Variants in NECAB1 observed in about 807,000 individuals in gnomAD.
The protein encoded by NECAB1 is N-terminal EF-hand calcium-binding protein 1.
NECAB1 carries 29 observed loss-of-function variants against 57.5 expected under a neutral mutation model. The observed-to-expected ratio is 0.50, with a 90% CI of 0.38 to 0.69. The LOEUF is 0.69. Ranked by LOEUF, NECAB1 falls within the 30% of genes least tolerant of loss-of-function variation. The pLI, the probability that NECAB1 is intolerant of heterozygous loss-of-function variation, is 0.00. For synonymous variants in NECAB1, 142 were observed against 147.7 expected, an observed-to-expected ratio of 0.96 and a Z score of 0.28; for missense variants, 372 against 413.8, an observed-to-expected ratio of 0.90 and a Z score of 0.88.
chr8:90,946,553 A>G (rs1037287873), intron 10 of NECAB1, among the ~76,000 whole-genome samples: 1 of 152,230 alleles, frequency 6.6e-6, no homozygotes, highest in African/African-American at 2.4e-5. Flanking sequence ...TACATTTATT[A>G]TTCTCAAAAA....
At chr8:90,872,377 ATTG>A (rs1808637387) in intron 4 of NECAB1, 1 of 437,898 alleles carries the variant, frequency 2.3e-6, no homozygotes, top group Non-Finnish European at 4.1e-6. Context: ...TAGAAGAAGA[ATTG>A]TTGTTACAAT....
intron 3 of NECAB1, among the ~76,000 whole-genome samples, chr8:90,826,851 T>C (rs1812233943): frequency 6.6e-6 from 1 of 151,902 alleles, no homozygotes; most frequent in Non-Finnish European, 1.5e-5. Flanking sequence ...GTTAAAGAAG[T>C]ATATGTAATG....
At chr8:90,884,869 C>G (rs966533376) in intron 5 of NECAB1, among the ~76,000 whole-genome samples, 4 of 152,122 alleles carry the variant, frequency 2.6e-5, no homozygotes, top group African/African-American at 9.7e-5. Context: ...AGCCCTGAGT[C>G]AGGCCCAAGC....
chr8:90,955,526 T>C lies in NECAB1; in HGVS notation c.*14T>C, dbSNP rs539172280. ...CTGAACAACTAGATGTTCCTAGACA[T>C]TTTCTTTATGGTTCCAAGTGCAAAA... On this transcript the variant is annotated 3_prime_UTR_variant, in exon 13 of 13. Transcript: ENST00000417640. 559 of 1,550,228 alleles carry C rather than the reference T, an allele frequency of 3.6e-4. 5 individuals are homozygous for C. In the South Asian group the frequency reaches 5.8e-3, roughly 16 times the overall value.
intron 3 of NECAB1, among the ~76,000 whole-genome samples, chr8:90,851,491 C>A (rs1261683050): frequency 1.3e-5 from 2 of 151,936 alleles, no homozygotes; most frequent in East Asian, 3.9e-4. Context: ...GTAGGACACT[C>A]AATTGATATC....
intron 10 of NECAB1, among the ~76,000 whole-genome samples, chr8:90,944,721 G>A (rs561014812): frequency 1.2e-4 from 18 of 152,030 alleles, no homozygotes; most frequent in Admixed American, 7.2e-4. Context: ...TTTCATAGTC[G>A]TTAAATAGAA....
chr8:90,928,073 A>G (rs550391574), intron 7 of NECAB1, 150 bp from the exon 8 acceptor site: 29 of 606,194 alleles, frequency 4.8e-5, no homozygotes, highest in East Asian at 3.5e-4. Flanking sequence ...TCAATACCTT[A>G]GAAAGCACTC....
intron 6 of NECAB1, among the ~76,000 whole-genome samples, chr8:90,923,725 A>G (rs1247665853): frequency 6.6e-6 from 1 of 152,262 alleles, no homozygotes; most frequent in Non-Finnish European, 1.5e-5. Flanking sequence ...TGAATTAAGG[A>G]TAGAATGCTT....
At chr8:90,897,330 C>T (rs949266929) in intron 5 of NECAB1, among the ~76,000 whole-genome samples, 4 of 152,134 alleles carry the variant, frequency 2.6e-5, no homozygotes, top group Non-Finnish European at 4.4e-5. Flanking sequence ...CATTTGGTAG[C>T]AAAATCTATT....
chr8:90,826,552 G>A (rs547742525), intron 3 of NECAB1, among the ~76,000 whole-genome samples: 4 of 152,002 alleles, frequency 2.6e-5, no homozygotes, highest in Admixed American at 2.0e-4. Flanking sequence ...GGTGTTGGAC[G>A]TTGAGATGCT....
intron 3 of NECAB1, among the ~76,000 whole-genome samples, chr8:90,851,826 G>T (rs1421281125): frequency 6.6e-6 from 1 of 152,014 alleles, no homozygotes; most frequent in African/African-American, 2.4e-5. Context: ...TCTTCATGTT[G>T]TACACTCTAT....
At chr8:90,923,145 G>A (rs1056493628) in intron 6 of NECAB1, among the ~76,000 whole-genome samples, 22 of 152,152 alleles carry the variant, frequency 1.4e-4, no homozygotes, top group African/African-American at 5.1e-4. Flanking sequence ...GAAAATGAGG[G>A]TGAAGGTAGG....
intron 3 of NECAB1, among the ~76,000 whole-genome samples, chr8:90,870,161 C>T (rs1808596963): frequency 6.6e-6 from 1 of 152,132 alleles, no homozygotes; most frequent in South Asian, 2.1e-4. Flanking sequence ...TGAGTCCTCC[C>T]CAGCCATGCT....
intron 4 of NECAB1, chr8:90,872,378 T>C: frequency 2.3e-6 from 1 of 437,420 alleles, no homozygotes; most frequent in Non-Finnish European, 4.1e-6. Context: ...AGAAGAAGAA[T>C]TGTTGTTACA....
intron 5 of NECAB1, among the ~76,000 whole-genome samples, chr8:90,886,767 GA>G (rs1208128264): frequency 6.6e-6 from 1 of 151,910 alleles, no homozygotes; most frequent in African/African-American, 2.4e-5. Context: ...TCAATTCTGG[GA>G]AAAACTTTTA....
chr8:90,799,006 T>A (rs1481032444), intron 1 of NECAB1, among the ~76,000 whole-genome samples: 1 of 152,176 alleles, frequency 6.6e-6, no homozygotes, highest in Non-Finnish European at 1.5e-5. Context: ...CTGACTGGTG[T>A]GAGATGATAG....
chr8:90,829,952 AG>A (rs1422546897), intron 3 of NECAB1, among the ~76,000 whole-genome samples: 6 of 152,076 alleles, frequency 3.9e-5, no homozygotes, highest in Admixed American at 3.9e-4. Flanking sequence ...ATGATTTCAA[AG>A]GTTTTGTTTC....
At position 90,958,891 on chromosome 8, in the gene NECAB1, A is replaced by G; in HGVS notation, c.*3379A>G. The G allele has an allele frequency of 1.6e-6, 1 of 624,598 alleles. No homozygotes were observed. Among genetic ancestry groups the G allele is most frequent in the Non-Finnish European group, 2.6e-6 (1 of 378,494 alleles). The allele number at this position is 624,598 out of a possible 1,614,324, so 38.7% of individuals were successfully genotyped here. A position where few individuals can be genotyped will look rare whatever the true frequency, so the allele number is the denominator to read the frequency against. On this transcript the variant is annotated 3_prime_UTR_variant, in exon 13 of 13. Transcript: ENST00000417640. The stretch of plus-strand genomic sequence containing the variant: ...TCTTTCTCATTTTTAGAGAAGTCAA[A>G]TAGCCAACCATCAAAATTAAGAATA...
chr8:90,935,814 G>T (rs1358965011), intron 9 of NECAB1, among the ~76,000 whole-genome samples: 1 of 152,034 alleles, frequency 6.6e-6, no homozygotes, highest in Admixed American at 6.6e-5. Context: ...CAAAGCCAAG[G>T]CCAATTTTAA....
Sources: allele counts gnomAD v4.1 joint callset (sites outside exome capture counted in the v4.1 genomes callset), GRCh38; gene constraint gnomAD v4.1.1; transcripts MANE v1.5; gene names NCBI Gene and HGNC (gene_info 2026-07-23, HGNC 2026-07-21).